Variants in IPCEF1 observed in about 807,000 individuals in gnomAD.
IPCEF1 encodes interactor protein for cytohesin exchange factors 1.
Under a neutral mutation model 50.9 loss-of-function variants are expected in IPCEF1, and 31 were observed. The ratio of observed to expected loss-of-function variants is 0.61; its 90% CI spans 0.46 to 0.82. The LOEUF (loss-of-function observed/expected upper bound fraction) is 0.82. Ranked by LOEUF, IPCEF1 falls within the 40% of genes least tolerant of loss-of-function variation. The pLI, the probability that IPCEF1 is intolerant of heterozygous loss-of-function variation, is 0.00. For synonymous variants in IPCEF1, 181 were observed against 192.0 expected, an observed-to-expected ratio of 0.94 and a Z score of 0.47; for missense variants, 458 against 514.0, an observed-to-expected ratio of 0.89 and a Z score of 1.05.
In IPCEF1 at chr6:154,223,190, T is replaced by C. The variant is rs760784923; in HGVS notation, c.300A>G (p.Ala100=). Residue 100 remains alanine, a synonymous_variant, in exon 6 of 12, where the codon GCA becomes GCG. Coordinates refer to ENST00000367220, the MANE Select transcript of IPCEF1 (RefSeq NM_001130700.2). The part of the protein sequence containing the change: ...VNLPDFTVER[A]SECKKKHAFK... ...CTTACTGCTTTTTCTTGCATTCAGA[T>C]GCTCTTTCCACAGTGAAATCAGGCA... The C allele has an allele frequency of 4.5e-5, 72 of 1,613,712 alleles. No individual in the cohort carries two copies. Among genetic ancestry groups the C allele is most frequent in the Non-Finnish European group, 5.9e-5 (70 of 1,179,906 alleles).
intron 10 of IPCEF1, among the ~76,000 whole-genome samples, chr6:154,184,680 T>A (rs1406728833): frequency 6.6e-6 from 1 of 152,110 alleles, no homozygotes; most frequent in Non-Finnish European, 1.5e-5. Context: ...TACAATATAT[T>A]TTTTTCGAAT....
chr6:154,257,868 A>G (rs991198700), intron 3 of IPCEF1, among the ~76,000 whole-genome samples: 4 of 152,158 alleles, frequency 2.6e-5, no homozygotes, highest in Non-Finnish European at 4.4e-5. Context: ...ACATCTGGCT[A>G]ATTTTTTATT....
intron 2 of IPCEF1, among the ~76,000 whole-genome samples, chr6:154,282,003 TCAA>T (rs1050901121): frequency 2.0e-5 from 3 of 149,738 alleles, no homozygotes; most frequent in East Asian, 2.0e-4. Flanking sequence ...AAACTCCATC[TCAA>T]CAACAACAAC....
Position 154,256,585 on chromosome 6 carries a change from G to A in IPCEF1, c.37-9097C>T, listed in dbSNP as rs6908885. On this transcript the variant is annotated intron_variant, in intron 3 of 11. Coordinates refer to ENST00000367220, the MANE Select transcript of IPCEF1 (RefSeq NM_001130700.2). ...TCTCTGTGCGTGTGTGTGTGTGTGT[G>A]TCTCTCTCACACACACACACTCTCA... Among the ~76,000 whole-genome samples, 6 of 149,440 alleles carry A rather than the reference G, an allele frequency of 4.0e-5. No individual in the cohort carries two copies. In the East Asian group the frequency reaches 1.2e-3, roughly 31 times the overall value.
chr6:154,284,690 C>A (rs1782313302), intron 2 of IPCEF1, among the ~76,000 whole-genome samples: 1 of 152,146 alleles, frequency 6.6e-6, no homozygotes, highest in Admixed American at 6.6e-5. Context: ...CAGCACTGAA[C>A]ATACAGTGTG....
At chr6:154,225,363 T>G (rs754351630) in intron 5 of IPCEF1, among the ~76,000 whole-genome samples, 1 of 152,114 alleles carries the variant, frequency 6.6e-6, no homozygotes, top group African/African-American at 2.4e-5. Flanking sequence ...AACAGATAAA[T>G]GGATAAATTA....
intron 1 of IPCEF1, among the ~76,000 whole-genome samples, chr6:154,311,474 A>G (rs1438432017): frequency 6.6e-6 from 1 of 152,220 alleles, no homozygotes; most frequent in African/African-American, 2.4e-5. Context: ...ATTTCAAGCT[A>G]GACCTCTTGA....
chr6:154,324,834 C>A (rs1783480938), intron 1 of IPCEF1, among the ~76,000 whole-genome samples: 1 of 151,932 alleles, frequency 6.6e-6, no homozygotes, highest in Admixed American at 6.6e-5. Context: ...TACACAAAAC[C>A]CGAATTCCAA....
chr6:154,217,724 C>A (rs899529573), intron 7 of IPCEF1, among the ~76,000 whole-genome samples: 2 of 152,032 alleles, frequency 1.3e-5, no homozygotes, highest in Non-Finnish European at 2.9e-5. Flanking sequence ...TTTTAAAATA[C>A]CACAATAACA....
intron 2 of IPCEF1, among the ~76,000 whole-genome samples, chr6:154,273,225 T>C (rs1463680323): frequency 2.6e-5 from 4 of 152,208 alleles, no homozygotes; most frequent in East Asian, 3.8e-4. Context: ...AGTGGATTTA[T>C]ACAAAGTCCA....
chr6:154,204,756 T>C (rs148562244), intron 9 of IPCEF1, among the ~76,000 whole-genome samples: 4 of 152,312 alleles, frequency 2.6e-5, no homozygotes, highest in Non-Finnish European at 5.9e-5. Flanking sequence ...AAACCACAGA[T>C]AGAGTATTTC....
intron 11 of IPCEF1, among the ~76,000 whole-genome samples, chr6:154,166,132 T>C (rs1799404149): frequency 6.6e-6 from 1 of 152,248 alleles, no homozygotes; most frequent in African/African-American, 2.4e-5. Context: ...TAAATGCTGA[T>C]TGTTTGGAGT....
chr6:154,256,454 C>A (rs1037322259), intron 3 of IPCEF1, among the ~76,000 whole-genome samples: 3 of 151,998 alleles, frequency 2.0e-5, no homozygotes, highest in African/African-American at 7.2e-5. Context: ...TGCAGAATTG[C>A]AAGTGAAAAA....
chr6:154,232,821 T>C (rs1165504626), intron 5 of IPCEF1, among the ~76,000 whole-genome samples: 2 of 152,038 alleles, frequency 1.3e-5, no homozygotes, highest in Admixed American at 1.3e-4. Flanking sequence ...AACATAGATG[T>C]GTGTAATAAT....
chr6:154,210,851 A>G (rs1168634382), intron 9 of IPCEF1, among the ~76,000 whole-genome samples: 8 of 152,156 alleles, frequency 5.3e-5, no homozygotes, highest in Non-Finnish European at 1.0e-4. Context: ...TTATTCAACA[A>G]TATTTATGTC....
intron 3 of IPCEF1, among the ~76,000 whole-genome samples, chr6:154,259,550 G>A (rs1199262658): frequency 6.6e-6 from 1 of 152,154 alleles, no homozygotes. Flanking sequence ...TACTCGGGAG[G>A]CTGAGGCAGG....
At chr6:154,280,049 A>G (rs1008671706) in intron 2 of IPCEF1, among the ~76,000 whole-genome samples, 1 of 152,232 alleles carries the variant, frequency 6.6e-6, no homozygotes, top group Non-Finnish European at 1.5e-5. Context: ...TAGAAGACTG[A>G]CAATGCCAAG....
At chr6:154,165,790 A>G (rs960833630) in intron 11 of IPCEF1, among the ~76,000 whole-genome samples, 5 of 152,246 alleles carry the variant, frequency 3.3e-5, no homozygotes, top group African/African-American at 1.2e-4. Context: ...GTTATAACCC[A>G]TCTCACTCAC....
At chr6:154,187,800 A>C (rs1436240211) in intron 10 of IPCEF1, among the ~76,000 whole-genome samples, 2 of 152,228 alleles carry the variant, frequency 1.3e-5, no homozygotes, top group East Asian at 1.9e-4. Flanking sequence ...CAATTTACTT[A>C]ATCAGTTTAA....
Sources: allele counts gnomAD v4.1 joint callset (sites outside exome capture counted in the v4.1 genomes callset), GRCh38; gene constraint gnomAD v4.1.1; transcripts MANE v1.5; gene names NCBI Gene and HGNC (gene_info 2026-07-23, HGNC 2026-07-21).